Variants in JARID2 observed in about 807,000 individuals in gnomAD.
JARID2 encodes protein Jumonji.
A neutral mutation model predicts 125.6 loss-of-function variants in JARID2; 21 were observed. The ratio of observed to expected loss-of-function variants is 0.17; its 90% CI spans 0.12 to 0.24. The LOEUF is 0.24. Ranked by LOEUF, JARID2 falls within the 10% of genes least tolerant of loss-of-function variation. The pLI is 1.00. For missense variants in JARID2, 1,303 were observed against 1,639.6 expected (o/e 0.79, Z 3.55); for synonymous variants, 736 against 661.6 (o/e 1.11, Z -1.73).
chr6:15,289,584 C>T (rs1761130358), intron 1 of JARID2, among the ~76,000 whole-genome samples: 1 of 151,954 alleles, frequency 6.6e-6, no homozygotes, highest in Admixed American at 6.6e-5. Flanking sequence ...AGGCCGGGCG[C>T]AGTGAGTCAC....
chr6:15,317,473 C>T (rs1762217310), intron 1 of JARID2, among the ~76,000 whole-genome samples: 1 of 152,090 alleles, frequency 6.6e-6, no homozygotes, highest in Non-Finnish European at 1.5e-5. Flanking sequence ...TAATTTCCCC[C>T]AAAACTCCCT....
rs1771814307 is a variant in JARID2 at position 15,520,971 on chromosome 6, A to AG, written c.*723dup. The AG allele has an allele frequency of 2.0e-4, 60 of 295,054 alleles. 2 individuals are homozygous for AG. The highest frequency in any genetic ancestry group is 1.5e-3 in the South Asian group (60 of 39,390). 18.3% of individuals were successfully genotyped at this position (295,054 alleles called of 1,614,324 possible). A position where few individuals can be genotyped will look rare whatever the true frequency, so the allele number is the denominator to read the frequency against. ...CTGCCTGCCTTGGAGGGGTCACATG[A>AG]GGGAGACCTGTGCCTGATTTCATTA... On this transcript the variant is annotated 3_prime_UTR_variant, in exon 18 of 18. Transcript: ENST00000341776.
chr6:15,497,263 C>A (rs545106109), intron 7 of JARID2, 93 bp downstream of exon 7: 5 of 990,088 alleles, frequency 5.1e-6, no homozygotes, highest in East Asian at 2.7e-5. Context: ...TCTTCCCTTG[C>A]GAAAGCTCCA....
chr6:15,322,080 C>T (rs1464728848), intron 1 of JARID2, among the ~76,000 whole-genome samples: 7 of 152,068 alleles, frequency 4.6e-5, no homozygotes, highest in Middle Eastern at 3.2e-3. Context: ...CTACCGCGCC[C>T]GGCCTGGAAG....
At chr6:15,414,070 T>G (rs1303440580) in intron 3 of JARID2, among the ~76,000 whole-genome samples, 1 of 152,208 alleles carries the variant, frequency 6.6e-6, no homozygotes, top group Non-Finnish European at 1.5e-5. Context: ...TCCTTTTATG[T>G]GCATGATTTT....
rs1759176431 is a variant in JARID2, at chr6:15,246,125, TTTTA to T, written c.-409_-406del. On this transcript the variant is annotated 5_prime_UTR_variant, in exon 1 of 18. Coordinates refer to ENST00000341776, the MANE Select transcript of JARID2 (RefSeq NM_004973.4). ...CAGCACAAACGTGACTTCCAACATT[TTTTA>T]TTTATCTTTCCCTTTTCTTTTCCAA... Among the ~76,000 whole-genome samples the T allele has an allele frequency of 2.0e-5, 3 of 152,170 alleles. No individual in the cohort carries two copies. The highest frequency in any genetic ancestry group is 2.1e-4 in the South Asian group (1 of 4,832).
In JARID2 at chr6:15,513,928, A is replaced by G. The variant is rs375570729; in HGVS notation, c.3450+506A>G. ...TCAGCCCCCGAGGACTTCAGAATCT[A>G]TCCTTGGTGAAAGCTGATGTTCCTC... On this transcript the variant is annotated intron_variant, in intron 16 of 17. Coordinates refer to ENST00000341776, the MANE Select transcript of JARID2 (RefSeq NM_004973.4). Among the ~76,000 whole-genome samples the G allele has an allele frequency of 5.9e-5, 9 of 152,216 alleles. No homozygotes were observed. The South Asian group carries it at 1.0e-3, about 18-fold the overall frequency.
At chr6:15,464,290 A>G (rs999092240) in intron 4 of JARID2, among the ~76,000 whole-genome samples, 80 of 152,208 alleles carry the variant, frequency 5.3e-4, no homozygotes, top group African/African-American at 1.9e-3. Flanking sequence ...AGAGGGATTT[A>G]CAGCAACCAC....
intron 3 of JARID2, among the ~76,000 whole-genome samples, chr6:15,417,569 A>G (rs1766288206): frequency 6.6e-6 from 1 of 152,158 alleles, no homozygotes; most frequent in Non-Finnish European, 1.5e-5. Context: ...GCGAAACTCC[A>G]TTTCTACCAA....
At chr6:15,282,365 C>T (rs1394451154) in intron 1 of JARID2, among the ~76,000 whole-genome samples, 1 of 152,222 alleles carries the variant, frequency 6.6e-6, no homozygotes, top group African/African-American at 2.4e-5. Context: ...TAGCATTATA[C>T]AGCTTCTTTG....
At chr6:15,324,559 C>T (rs887928213) in intron 1 of JARID2, 1 of 152,006 alleles carries the variant, frequency 6.6e-6, no homozygotes, top group African/African-American at 2.4e-5. Context: ...CAATCTCCGC[C>T]TCCGCCTTCT....
At chr6:15,469,961 G>A (rs998680422) in intron 5 of JARID2, among the ~76,000 whole-genome samples, 1 of 151,946 alleles carries the variant, frequency 6.6e-6, no homozygotes, top group African/African-American at 2.4e-5. Context: ...GGCAGATCAC[G>A]AGGTCAAGAG....
Position 15,292,775 on chromosome 6 carries a change from G to A in JARID2, c.45+46191G>A, listed in dbSNP as rs375219732. ...CTTTGCTTCCCGGGGTTAAGTGATC[G>A]TCCACTTCAGCATCCTGAGTGGCTG... On this transcript the variant is annotated intron_variant, in intron 1 of 17. Coordinates refer to ENST00000341776, the MANE Select transcript of JARID2 (RefSeq NM_004973.4). Among the ~76,000 whole-genome samples, 37 of 152,196 alleles carry A rather than the reference G, an allele frequency of 2.4e-4. No individual in the cohort carries two copies. In the East Asian group the frequency reaches 4.1e-3, roughly 17 times the overall value.
intron 4 of JARID2, among the ~76,000 whole-genome samples, chr6:15,452,684 A>G (rs1489077185): frequency 6.6e-6 from 1 of 152,234 alleles, no homozygotes; most frequent in African/African-American, 2.4e-5. Context: ...TGACAGTGCA[A>G]ATACTGGTCC....
At chr6:15,293,456 A>G (rs1338027122) in intron 1 of JARID2, among the ~76,000 whole-genome samples, 2 of 152,232 alleles carry the variant, frequency 1.3e-5, no homozygotes, top group Non-Finnish European at 2.9e-5. Flanking sequence ...GAAGGGACAG[A>G]TGAAGGAATT....
chr6:15,514,022 C>T (rs1274006817), intron 16 of JARID2, among the ~76,000 whole-genome samples: 1 of 152,264 alleles, frequency 6.6e-6, no homozygotes. Context: ...CTGCATTCCT[C>T]TTGCCTTCTC....
intron 1 of JARID2, among the ~76,000 whole-genome samples, chr6:15,317,592 G>T (rs1762220854): frequency 2.0e-5 from 3 of 151,866 alleles, no homozygotes; most frequent in Admixed American, 2.0e-4. Context: ...GTACCTGAAT[G>T]CTTGCCGTGT....
At chr6:15,320,122 C>G (rs1762303502) in intron 1 of JARID2, among the ~76,000 whole-genome samples, 1 of 152,184 alleles carries the variant, frequency 6.6e-6, no homozygotes, top group Admixed American at 6.5e-5. Context: ...CCATGGTGAG[C>G]CGATCAGCTT....
At chr6:15,321,100 T>C (rs1273274150) in intron 1 of JARID2, among the ~76,000 whole-genome samples, 2 of 152,162 alleles carry the variant, frequency 1.3e-5, no homozygotes, top group African/African-American at 4.8e-5. Flanking sequence ...CTTAAAAGAA[T>C]TTTTGGAAGA....
Sources: allele counts gnomAD v4.1 joint callset (sites outside exome capture counted in the v4.1 genomes callset), GRCh38; gene constraint gnomAD v4.1.1; transcripts MANE v1.5; gene names NCBI Gene and HGNC (gene_info 2026-07-23, HGNC 2026-07-21).